The following NCBP1 variants were observed in gnomAD, a reference collection of about 807,000 sequenced individuals.
NCBP1 encodes nuclear cap binding protein subunit 1.
In NCBP1, 16 loss-of-function variants were observed where a neutral mutation model predicts 111.7. The observed-to-expected ratio is 0.14, with a 90% CI of 0.10 to 0.22. The LOEUF (loss-of-function observed/expected upper bound fraction) is 0.22. NCBP1 is among the 10% of genes least tolerant of loss of function. NCBP1 has a pLI of 1.00. For synonymous variants in NCBP1, 304 were observed against 314.3 expected, an observed-to-expected ratio of 0.97 and a Z score of 0.35; for missense variants, 607 against 957.5, an observed-to-expected ratio of 0.63 and a Z score of 4.83.
chr9:97,645,491 C>A, intron 5 of NCBP1, 120 bp from the exon 6 acceptor site: 1 of 1,069,176 alleles, frequency 9.4e-7, no homozygotes, highest in South Asian at 1.6e-5. Flanking sequence ...TCTGTATAAA[C>A]CAGATGTCTT....
intron 19 of NCBP1, among the ~76,000 whole-genome samples, 181 bp downstream of exon 19, chr9:97,664,624 G>C (rs1827939960): frequency 1.3e-5 from 2 of 152,188 alleles, no homozygotes; most frequent in South Asian, 2.1e-4. Flanking sequence ...AGCCTATCAG[G>C]TTGCAGCGTC....
intron 8 of NCBP1, 74 bp downstream of exon 8, chr9:97,648,297 A>G: frequency 7.4e-7 from 1 of 1,351,044 alleles, no homozygotes; most frequent in Admixed American, 1.8e-5. Context: ...CGCTTGAATT[A>G]TGCCTGTGGT....
chr9:97,636,426 A>C (rs570521700), intron 1 of NCBP1, among the ~76,000 whole-genome samples: 4 of 149,032 alleles, frequency 2.7e-5, no homozygotes, highest in Admixed American at 2.7e-4. Context: ...TTGACTCTCT[A>C]TATATAGAGT....
At position 97,656,008 on chromosome 9, in the gene NCBP1, T is replaced by C. The variant is rs766329657; in HGVS notation, c.1299-3T>C. The C allele has an allele frequency of 6.2e-7, 1 of 1,612,838 alleles. No homozygotes were observed. Among genetic ancestry groups the C allele is most frequent in the South Asian group, 1.1e-5 (1 of 91,052 alleles). On this transcript the variant is annotated splice_polypyrimidine_tract_variant and splice_region_variant and intron_variant, in intron 13 of 22. Coordinates refer to ENST00000375147, the MANE Select transcript of NCBP1 (RefSeq NM_002486.5). Reference sequence around the variant, plus strand: ...CATTGATAAAACTACATTTCCTCCTTAGGTCAGATTGTCTTAGTCAAGATC... The same window carrying C: ...CATTGATAAAACTACATTTCCTCCTCAGGTCAGATTGTCTTAGTCAAGATC...
intron 1 of NCBP1, among the ~76,000 whole-genome samples, chr9:97,640,199 CAT>C (rs1364266509): frequency 4.6e-5 from 7 of 152,104 alleles, no homozygotes; most frequent in African/African-American, 7.2e-5. Context: ...AGCTTAGAAA[CAT>C]GTGAAGCAAG....
intron 4 of NCBP1, among the ~76,000 whole-genome samples, chr9:97,644,621 T>C (rs191791843): frequency 2.0e-5 from 3 of 152,342 alleles, no homozygotes; most frequent in Admixed American, 2.0e-4. Context: ...ATATGTGTTC[T>C]GTAATTTCCA....
chr9:97,634,560 A>C (rs1392023450), intron 1 of NCBP1: 1 of 152,212 alleles, frequency 6.6e-6, no homozygotes, highest in African/African-American at 2.4e-5. Context: ...GAGTTAGAAC[A>C]GGGGTTCCCA....
chr9:97,666,838 G>A lies in NCBP1; in HGVS notation c.1977G>A (p.Leu659=). 6.2e-7 allele frequency: 1 copy of A among 1,609,788 alleles called. No individual in the cohort carries two copies. The highest frequency in any genetic ancestry group is 8.5e-7 in the Non-Finnish European group (1 of 1,178,496). ...ATGTCCTGAAGATCCAGAAAGAGCT[G>A]GAAGAAGCTAAAGAGAAACTTGCTA... ...NKHVLKIQKE[L]EEAKEKLARQ... Residue 659 remains leucine (L), a synonymous_variant, in exon 20 of 23, where the codon CTG becomes CTA. Transcript: ENST00000375147.
intron 11 of NCBP1, among the ~76,000 whole-genome samples, 183 bp downstream of exon 11, chr9:97,654,091 G>GA (rs1198286175): frequency 6.6e-6 from 1 of 152,016 alleles, no homozygotes; most frequent in Non-Finnish European, 1.5e-5. Context: ...TACATATGTA[G>GA]ATACATCCTT....
chr9:97,660,174 A>C (rs938752928), intron 15 of NCBP1, among the ~76,000 whole-genome samples: 1 of 152,182 alleles, frequency 6.6e-6, no homozygotes, highest in Non-Finnish European at 1.5e-5. Flanking sequence ...GAAAAAGCTC[A>C]CAGCAGGTGT....
chr9:97,656,224 C>A, intron 14 of NCBP1, 139 bp downstream of exon 14: 1 of 741,504 alleles, frequency 1.3e-6, no homozygotes, highest in Non-Finnish European at 2.2e-6. Context: ...AAGACTTAGG[C>A]TAAGAAAAAT....
Position 97,660,228 on chromosome 9 carries a change from T to TTCCAGTAACTCATAC in NCBP1, c.1478-715_1478-701dup, listed in dbSNP as rs574824163. On this transcript the variant is annotated intron_variant, in intron 15 of 22. Coordinates refer to ENST00000375147, the MANE Select transcript of NCBP1 (RefSeq NM_002486.5). Reference sequence around the variant, plus strand: ...TGACTGTTGTAATTTACTTTATTCATTCCAGTAACTCATACTCTATAACAG... The same window carrying TTCCAGTAACTCATAC: ...TGACTGTTGTAATTTACTTTATTCATTCCAGTAACTCATACTCCAGTAACTCATACTCTATAACAG... Among the ~76,000 whole-genome samples the TTCCAGTAACTCATAC allele has an allele frequency of 2.6e-5, 4 of 152,330 alleles. No individual in the cohort carries two copies. The South Asian group carries it at 8.3e-4, about 32-fold the overall frequency.
chr9:97,658,130 T>G (rs899168524), intron 14 of NCBP1, among the ~76,000 whole-genome samples: 1 of 151,888 alleles, frequency 6.6e-6, no homozygotes, highest in Admixed American at 6.6e-5. Flanking sequence ...CTCATTGCCA[T>G]TGGGGTGTCA....
At position 97,664,431 on chromosome 9, in the gene NCBP1, G is replaced by T. The variant is rs76139042; in HGVS notation, c.1889G>T (p.Arg630Leu). The part of the protein sequence containing the change: ...ANWIFSSELS[R>L]DFTRLFVWEI... ...TGGATCTTCTCTTCAGAACTATCTC[G>T]TGACTTTACCAGGTAATATAAATTA... is the stretch of plus-strand genomic sequence containing the variant. Residue 630 changes from arginine to leucine, a missense_variant, in exon 19 of 23, where the codon CGT (arginine) becomes CTT (leucine). By Grantham distance (102) the Arg-to-Leu change is moderately radical. Coordinates refer to ENST00000375147, the MANE Select transcript of NCBP1 (RefSeq NM_002486.5). The T allele has an allele frequency of 1.2e-6, 2 of 1,602,758 alleles. No homozygotes were observed. The highest frequency in any genetic ancestry group is 2.2e-5 in the East Asian group (1 of 44,778).
In NCBP1 at chr9:97,662,999, G is replaced by A. The variant is rs777089319; in HGVS notation, c.1749G>A (p.Lys583=). ...CCCTAGCTGAAAGTGATGAAGGAAA[G>A]TTACATGTGCTAAGAGTTATGTTTG... is the stretch of plus-strand genomic sequence containing the variant. ...FKTLAESDEG[K]LHVLRVMFEV... is the part of the protein sequence containing the mutation. Residue 583 remains lysine (K), a synonymous_variant, in exon 18 of 23, where the codon AAG becomes AAA. Transcript: ENST00000375147. 1 of 1,613,196 alleles carries A rather than the reference G, an allele frequency of 6.2e-7. No homozygotes were observed. The highest frequency in any genetic ancestry group is 2.2e-5 in the East Asian group (1 of 44,772).
intron 16 of NCBP1, among the ~76,000 whole-genome samples, chr9:97,661,579 A>C (rs1179852331): frequency 6.6e-6 from 1 of 152,196 alleles, no homozygotes. Flanking sequence ...ATAAGATATT[A>C]GTGGCCTTTG....
In NCBP1 at chr9:97,656,072, G is replaced by C. The variant is rs1241402370; in HGVS notation, c.1360G>C (p.Glu454Gln). The C allele has an allele frequency of 1.5e-5, 24 of 1,613,568 alleles. No homozygotes were observed. Among genetic ancestry groups the C allele is most frequent in the Non-Finnish European group, 1.9e-5 (23 of 1,179,678 alleles). ...ACCGAAGTTTGTAAGAGAAGTTCTA[G>C]AAAAATGTATGAGGTAAGTTTTTTG... ...PKPKFVREVL[E>Q]KCMRLSYHQR... Residue 454 changes from glutamate to glutamine, a missense_variant, in exon 14 of 23, where the codon GAA becomes CAA. By Grantham distance (29) the Glu-to-Gln change is conservative. This residue lies in a region of NCBP1 where 282 missense variants were observed against 376.5 expected (regional missense o/e 0.75). Coordinates refer to ENST00000375147, the MANE Select transcript of NCBP1 (RefSeq NM_002486.5).
intron 1 of NCBP1, among the ~76,000 whole-genome samples, chr9:97,637,032 G>T (rs184389633): frequency 6.2e-4 from 95 of 152,274 alleles, no homozygotes; most frequent in African/African-American, 2.2e-3. Flanking sequence ...TAGGGTTCCT[G>T]TCATGTTAAC....
chr9:97,669,693 A>G lies in NCBP1; in HGVS notation c.2246A>G (p.Gln749Arg). The G allele has an allele frequency of 6.3e-7, 1 of 1,594,114 alleles. No individual in the cohort carries two copies. Among genetic ancestry groups the G allele is most frequent in the Non-Finnish European group, 8.6e-7 (1 of 1,161,838 alleles). Residue 749 changes from glutamine to arginine, a missense_variant, in exon 22 of 23, where the codon CAG becomes CGG. By Grantham distance (43) the Gln-to-Arg change is conservative. Transcript: ENST00000375147. ...AAGAACTGTATAGAGAGGCTGCAGC[A>G]GATCTTCCTACAGGTATGTGGGGAA... ...WYKNCIERLQQIFLQHHQIIQ... is the reference protein window; with the variant it reads ...WYKNCIERLQRIFLQHHQIIQ...
Sources: gnomAD v4.1 joint callset for allele counts (sites outside exome capture counted in the v4.1 genomes callset) on GRCh38, gnomAD v4.1.1 for gene constraint, gnomAD v4.1.1 regional missense constraint, MANE v1.5 for transcripts, NCBI Gene and HGNC (gene_info 2026-07-23, HGNC 2026-07-21) for gene names.